Variants in SMC4 observed in about 807,000 individuals in gnomAD.
SMC4 encodes structural maintenance of chromosomes protein 4.
In SMC4, 87 loss-of-function variants were observed where a neutral mutation model predicts 145.6. The observed-to-expected ratio is 0.60, with a 90% confidence interval of 0.50 to 0.71. SMC4 has a LOEUF of 0.71. Among genes scored for constraint, SMC4 ranks in the 30% least tolerant of loss-of-function variants. SMC4 has a pLI of 0.00. For synonymous variants in SMC4, 558 were observed against 500.7 expected (o/e 1.11, Z -1.53); for missense variants, 1,447 against 1,537.1 (o/e 0.94, Z 0.98).
chr3:160,431,207 T>C lies in SMC4; in HGVS notation c.3114+2T>C. 6.4e-7 allele frequency: 1 copy of C among 1,572,068 alleles called. No homozygotes were observed. Among genetic ancestry groups the C allele is most frequent in the Non-Finnish European group, 8.6e-7 (1 of 1,163,912 alleles). On this transcript the variant is annotated splice_donor_variant, in intron 20 of 23. Transcript: ENST00000357388. LOFTEE classifies it high-confidence loss of function. ...AAAATAAAATATTGGCACAAAGAGG[T>C]GAGATTGTTACCGTTTAGTTTAATT...
chr3:160,430,330 A>T (rs1718260182), intron 18 of SMC4, among the ~76,000 whole-genome samples: 1 of 152,222 alleles, frequency 6.6e-6, no homozygotes, highest in South Asian at 2.1e-4. Context: ...TGATAATCTA[A>T]TGGACAGTGT....
At position 160,431,167 on chromosome 3, in the gene SMC4, G is replaced by A; in HGVS notation, c.3076G>A (p.Ala1026Thr). ...LKLEQIDGHIAEHNSKIKYWH... is the reference protein window; with the variant it reads ...LKLEQIDGHITEHNSKIKYWH... ...ACTTGAACAAATAGATGGTCACATT[G>A]CTGAACATAATTCTAAAATAAAATA... is the stretch of plus-strand genomic sequence containing the variant. Residue 1026 changes from alanine (A) to threonine (T), a missense_variant, in exon 20 of 24, where the codon GCT becomes ACT. Ala to Thr is a moderately conservative substitution (Grantham distance 58). Coordinates refer to ENST00000357388, the MANE Select transcript of SMC4 (RefSeq NM_001002800.3). The A allele has an allele frequency of 6.3e-7, 1 of 1,592,692 alleles. No homozygotes were observed. Among genetic ancestry groups the A allele is most frequent in the Non-Finnish European group, 8.5e-7 (1 of 1,173,454 alleles).
At chr3:160,401,247 A>T (rs145491986) in intron 2 of SMC4, among the ~76,000 whole-genome samples, 2 of 152,100 alleles carry the variant, frequency 1.3e-5, no homozygotes, top group African/African-American at 4.8e-5. Context: ...CAAAAATTCA[A>T]TATCTTTATT....
chr3:160,404,452 T>A lies in SMC4; in HGVS notation c.635T>A (p.Leu212His), dbSNP rs1021501133. ...AAGACATTTAAGGATGTTGGAAATC[T>A]TCTTCGAAGCCATGGAATTGACTTG... ...KKKTFKDVGN[L>H]LRSHGIDLDH... Residue 212 changes from leucine (L) to histidine (H), a missense_variant, in exon 5 of 24, where the codon CTT becomes CAT. Coordinates refer to ENST00000357388, the MANE Select transcript of SMC4 (RefSeq NM_001002800.3). The A allele has an allele frequency of 1.9e-6, 3 of 1,610,976 alleles. No individual in the cohort carries two copies. The highest frequency in any genetic ancestry group is 2.5e-6 in the Non-Finnish European group (3 of 1,179,010).
At chr3:160,404,158 A>G (rs1435573481) in intron 4 of SMC4, 170 bp from the exon 5 acceptor site, 4 of 579,214 alleles carry the variant, frequency 6.9e-6, no homozygotes, top group Non-Finnish European at 8.8e-6. Flanking sequence ...AAAAGTATCA[A>G]TTCTTTGCTA....
chr3:160,405,154 A>G (rs1206890134), intron 5 of SMC4, among the ~76,000 whole-genome samples: 2 of 152,076 alleles, frequency 1.3e-5, no homozygotes, highest in Non-Finnish European at 2.9e-5. Flanking sequence ...CAGAGCTGTT[A>G]CAGAGCAAGT....
At chr3:160,401,646 G>A (rs975348916) in intron 2 of SMC4, among the ~76,000 whole-genome samples, 1 of 152,180 alleles carries the variant, frequency 6.6e-6, no homozygotes, top group African/African-American at 2.4e-5. Flanking sequence ...TGACTCTTAA[G>A]AGGTATAGGT....
At chr3:160,410,749 G>A (rs1715896023) in intron 5 of SMC4, among the ~76,000 whole-genome samples, 1 of 152,028 alleles carries the variant, frequency 6.6e-6, no homozygotes, top group Non-Finnish European at 1.5e-5. Flanking sequence ...ATTATGTTGA[G>A]GCTTTTGGTG....
intron 12 of SMC4, among the ~76,000 whole-genome samples, chr3:160,420,296 A>G (rs950411260): frequency 1.3e-5 from 2 of 152,230 alleles, no homozygotes; most frequent in East Asian, 1.9e-4. Context: ...TGCATCTTGT[A>G]TCGGGACTTC....
chr3:160,405,798 T>A (rs1203089595), intron 5 of SMC4, among the ~76,000 whole-genome samples: 1 of 152,040 alleles, frequency 6.6e-6, no homozygotes, highest in Non-Finnish European at 1.5e-5. Context: ...TGAACTGTTT[T>A]ATTGACTTAC....
At chr3:160,415,630 T>C (rs1716501598) in intron 9 of SMC4, among the ~76,000 whole-genome samples, 1 of 152,214 alleles carries the variant, frequency 6.6e-6, no homozygotes, top group Non-Finnish European at 1.5e-5. Context: ...TTTTGGGAAA[T>C]GTTGAACTTC....
chr3:160,416,992 C>T (rs1337709691), intron 10 of SMC4, among the ~76,000 whole-genome samples: 1 of 152,078 alleles, frequency 6.6e-6, no homozygotes, highest in Non-Finnish European at 1.5e-5. Context: ...ATAATTTTAG[C>T]ATTATATTAA....
chr3:160,403,730 G>A (rs1337447050), intron 4 of SMC4, among the ~76,000 whole-genome samples: 2 of 151,992 alleles, frequency 1.3e-5, no homozygotes, highest in Admixed American at 1.3e-4. Flanking sequence ...AGAAGCCTTT[G>A]CTTCAGTATG....
intron 9 of SMC4, among the ~76,000 whole-genome samples, chr3:160,415,820 A>C (rs1336162740): frequency 6.6e-6 from 1 of 152,196 alleles, no homozygotes. Context: ...CTACATGATG[A>C]CTCTGGAAGA....
At chr3:160,430,829 A>G in intron 19 of SMC4, 86 bp downstream of exon 19, 1 of 1,429,872 alleles carries the variant, frequency 7.0e-7, no homozygotes, top group Non-Finnish European at 9.4e-7. Context: ...CCTAGAATGT[A>G]GTAAGCACTC....
At chr3:160,412,188 G>A in intron 6 of SMC4, 104 bp downstream of exon 6, 3 of 1,416,124 alleles carry the variant, frequency 2.1e-6, no homozygotes, top group Non-Finnish European at 9.5e-7. Flanking sequence ...ATGAAGAAGT[G>A]TTATATTGAA....
chr3:160,405,399 A>G (rs530910254), intron 5 of SMC4, among the ~76,000 whole-genome samples: 2 of 151,928 alleles, frequency 1.3e-5, no homozygotes, highest in African/African-American at 4.8e-5. Context: ...CCTGTGTTCT[A>G]TCCAGAATCA....
intron 8 of SMC4, 176 bp from the exon 9 acceptor site, chr3:160,414,191 T>C (rs775721263): frequency 3.9e-5 from 25 of 635,780 alleles, no homozygotes; most frequent in Non-Finnish European, 7.0e-5. Context: ...TAATCAAAAA[T>C]ACAGGTGCTT....
chr3:160,419,803 T>C (rs1716978331), intron 12 of SMC4, among the ~76,000 whole-genome samples: 1 of 152,182 alleles, frequency 6.6e-6, no homozygotes, highest in Non-Finnish European at 1.5e-5. Flanking sequence ...TTTTATCCTT[T>C]TTTTTAAAAG....
Sources: allele counts gnomAD v4.1 joint callset (sites outside exome capture counted in the v4.1 genomes callset), GRCh38; gene constraint gnomAD v4.1.1; transcripts MANE v1.5; gene names NCBI Gene and HGNC (gene_info 2026-07-23, HGNC 2026-07-21).